Variants in DMXL1 observed in about 807,000 individuals in gnomAD.
The protein encoded by DMXL1 is Dmx like 1, also known as dmX-like protein 1.
A neutral mutation model predicts 319.2 loss-of-function variants in DMXL1; 99 were observed. The observed-to-expected ratio is 0.31, with a 90% CI of 0.26 to 0.37. The LOEUF is 0.37. DMXL1 is among the 10% of genes least tolerant of loss of function. DMXL1 has a pLI of 1.00. For missense variants in DMXL1, 3,745 were observed against 3,595.6 expected, an observed-to-expected ratio of 1.04 and a Z score of -1.06; for synonymous variants, 1,385 against 1,235.2, an observed-to-expected ratio of 1.12 and a Z score of -2.54.
intron 32 of DMXL1, among the ~76,000 whole-genome samples, chr5:119,202,283 T>A (rs894480972): frequency 1.3e-5 from 2 of 152,148 alleles, no homozygotes; most frequent in African/African-American, 4.8e-5. Context: ...TTTTGTTAGA[T>A]CCTATGGCCC....
At chr5:119,163,088 A>G (rs116904500) in intron 19 of DMXL1, among the ~76,000 whole-genome samples, 3 of 152,212 alleles carry the variant, frequency 2.0e-5, no homozygotes, top group Non-Finnish European at 4.4e-5. Flanking sequence ...AATTACTGAC[A>G]TAAATGATGT....
chr5:119,210,491 T>C (rs1330484725), intron 34 of DMXL1, among the ~76,000 whole-genome samples: 2 of 152,192 alleles, frequency 1.3e-5, no homozygotes, highest in African/African-American at 4.8e-5. Context: ...ACTGTTGTTG[T>C]TTTTGCATCT....
At chr5:119,242,648 A>G (rs1376876392) in intron 42 of DMXL1, among the ~76,000 whole-genome samples, 1 of 152,226 alleles carries the variant, frequency 6.6e-6, no homozygotes, top group Non-Finnish European at 1.5e-5. Context: ...GGAATAGCCA[A>G]CCAAATACTA....
intron 1 of DMXL1, among the ~76,000 whole-genome samples, chr5:119,091,066 T>C (rs1450224193): frequency 6.6e-6 from 1 of 152,182 alleles, no homozygotes; most frequent in African/African-American, 2.4e-5. Flanking sequence ...TTGCTTTTTG[T>C]CTTATCTTAG....
At chr5:119,210,757 G>GTTTTTTTTTTTTTTTTTTTTTTCTTTTT in intron 34 of DMXL1, among the ~76,000 whole-genome samples, 9 of 89,778 alleles carry the variant, frequency 1.0e-4, no homozygotes, top group African/African-American at 2.9e-4. Flanking sequence ...TTTTTCTTTC[G>GTTTTTTTTTTTTTTTTTTTTTTCTTTTT]TTTTTTTTTT....
intron 5 of DMXL1, 77 bp from the exon 6 acceptor site, chr5:119,114,398 A>T (rs913177227): frequency 7.6e-6 from 8 of 1,048,314 alleles, no homozygotes; most frequent in Non-Finnish European, 1.1e-5. Context: ...CCAATTGCTG[A>T]TTTATAATTT....
rs539827350 is a variant in DMXL1, at chr5:119,231,728, T to A, written c.8339-1612T>A. On this transcript the variant is annotated intron_variant, in intron 38 of 43. Transcript: ENST00000539542. ...AGGTGGCATGAGGGGAAAACTTTTA[T>A]AAGGTGTTCAAGGAAGCACAACAAA... 8.3e-4 allele frequency among the ~76,000 whole-genome samples: 126 copies of A among 152,342 alleles called. 1 individual carries two copies. The highest frequency in any genetic ancestry group is 3.0e-3 in the African/African-American group (124 of 41,576).
chr5:119,191,505 G>A (rs1247974514), intron 29 of DMXL1, among the ~76,000 whole-genome samples: 2 of 152,046 alleles, frequency 1.3e-5, no homozygotes, highest in Non-Finnish European at 2.9e-5. Context: ...ATTTATCTAG[G>A]AATATCTTTA....
In DMXL1 at chr5:119,247,106, G is replaced by A. The variant is rs1194527100; in HGVS notation, c.9034G>A (p.Ala3012Thr). Residue 3012 changes from alanine to threonine, a missense_variant, in exon 44 of 44, where the codon GCA becomes ACA. Coordinates refer to ENST00000539542, the MANE Select transcript of DMXL1 (RefSeq NM_001290321.3). ...TGVMQIETGP[A>T]NHIFSCGADG... ...AGTGATGCAAATTGAGACAGGGCCTGCAAATCACATTTTCTCCTGTGGAGC... is the reference window on the plus strand; with the variant it reads ...AGTGATGCAAATTGAGACAGGGCCTACAAATCACATTTTCTCCTGTGGAGC... 6.2e-7 allele frequency: 1 copy of A among 1,614,024 alleles called. No homozygotes were observed. The highest frequency in any genetic ancestry group is 1.1e-5 in the South Asian group (1 of 91,074).
At chr5:119,159,550 A>C (rs1561756153) in intron 19 of DMXL1, among the ~76,000 whole-genome samples, 1 of 152,254 alleles carries the variant, frequency 6.6e-6, no homozygotes, top group Non-Finnish European at 1.5e-5. Context: ...ATATATCTGC[A>C]TATTAATCTC....
intron 4 of DMXL1, 115 bp from the exon 5 acceptor site, chr5:119,110,035 AT>A (rs1759227650): frequency 1.1e-4 from 98 of 902,730 alleles, no homozygotes; most frequent in East Asian, 1.5e-4. Context: ...GTTCTTCAAA[AT>A]TTTTTTTGAT....
chr5:119,190,116 TA>T (rs1778443022), intron 29 of DMXL1, among the ~76,000 whole-genome samples: 1 of 152,188 alleles, frequency 6.6e-6, no homozygotes, highest in South Asian at 2.1e-4. Flanking sequence ...TTTTAAACAA[TA>T]GCTTTTGCAT....
intron 40 of DMXL1, among the ~76,000 whole-genome samples, chr5:119,237,693 A>C (rs1788007518): frequency 6.6e-6 from 1 of 152,000 alleles, no homozygotes; most frequent in Admixed American, 6.6e-5. Context: ...GCCCTTTTCT[A>C]ACCTCACTAA....
intron 1 of DMXL1, among the ~76,000 whole-genome samples, chr5:119,074,804 A>C (rs1463319452): frequency 2.0e-5 from 3 of 152,164 alleles, no homozygotes; most frequent in Non-Finnish European, 4.4e-5. Flanking sequence ...CTTCATTGTG[A>C]GCACCTAGAA....
intron 29 of DMXL1, among the ~76,000 whole-genome samples, chr5:119,192,298 G>A (rs1778835035): frequency 6.6e-6 from 1 of 152,072 alleles, no homozygotes; most frequent in African/African-American, 2.4e-5. Context: ...ACTCTGAATT[G>A]CATTCTTTCT....
intron 28 of DMXL1, among the ~76,000 whole-genome samples, chr5:119,183,803 T>G (rs941955806): frequency 1.3e-5 from 2 of 152,242 alleles, no homozygotes; most frequent in African/African-American, 4.8e-5. Flanking sequence ...CCATATAATA[T>G]AAATTTTAAT....
At chr5:119,190,604 G>A (rs190022269) in intron 29 of DMXL1, among the ~76,000 whole-genome samples, 2 of 152,112 alleles carry the variant, frequency 1.3e-5, no homozygotes, top group Non-Finnish European at 2.9e-5. Flanking sequence ...AGATGAAAGT[G>A]CATCCATAAA....
chr5:119,160,310 A>G (rs959995292), intron 19 of DMXL1, among the ~76,000 whole-genome samples: 15 of 152,216 alleles, frequency 9.9e-5, no homozygotes, highest in African/African-American at 3.6e-4. Context: ...TTTCAGGAGC[A>G]TGTTGTTTAA....
intron 43 of DMXL1, among the ~76,000 whole-genome samples, chr5:119,246,262 C>T (rs979738346): frequency 6.6e-6 from 1 of 152,130 alleles, no homozygotes; most frequent in Non-Finnish European, 1.5e-5. Flanking sequence ...AAGTACTTCC[C>T]TCTTTCTAGC....
Sources: gnomAD v4.1 joint callset for allele counts (sites outside exome capture counted in the v4.1 genomes callset) on GRCh38, gnomAD v4.1.1 for gene constraint, MANE v1.5 for transcripts, NCBI Gene and HGNC (gene_info 2026-07-23, HGNC 2026-07-21) for gene names.